TTC28: variants seen among roughly 807,000 people sequenced by gnomAD.
TTC28 encodes the protein tetratricopeptide repeat protein 28.
In TTC28, 61 loss-of-function variants were observed where a neutral mutation model predicts 198.0. That is an observed-to-expected ratio of 0.31 (90% confidence interval 0.25 to 0.38). The LOEUF (loss-of-function observed/expected upper bound fraction) is 0.38, where lower values mean the gene tolerates loss of function less well. Ranked by LOEUF, TTC28 falls within the 10% of genes least tolerant of loss-of-function variation. The pLI, the probability that TTC28 is intolerant of heterozygous loss-of-function variation, is 1.00. For synonymous variants in TTC28, 1,171 were observed against 1,297.8 expected (o/e 0.90, Z 2.10); for missense variants, 2,678 against 3,164.0 (o/e 0.85, Z 3.69).
intron 3 of TTC28, among the ~76,000 whole-genome samples, chr22:28,303,446 A>C (rs1234742278): frequency 2.6e-5 from 4 of 152,206 alleles, no homozygotes; most frequent in Admixed American, 2.6e-4. Context: ...ACAGGAGAAA[A>C]GGTTTAGCTG....
At chr22:28,169,832 A>G (rs1922467298) in intron 5 of TTC28, among the ~76,000 whole-genome samples, 1 of 151,776 alleles carries the variant, frequency 6.6e-6, no homozygotes, top group Non-Finnish European at 1.5e-5. Context: ...ATAATAAAAT[A>G]AAATAAAATA....
At chr22:28,029,485 G>T (rs1184886866) in intron 13 of TTC28, among the ~76,000 whole-genome samples, 1 of 152,170 alleles carries the variant, frequency 6.6e-6, no homozygotes, top group African/African-American at 2.4e-5. Context: ...AGGGACCTAG[G>T]GAGTCTGTGA....
At chr22:28,049,226 C>G (rs1170073610) in intron 12 of TTC28, among the ~76,000 whole-genome samples, 1 of 152,152 alleles carries the variant, frequency 6.6e-6, no homozygotes, top group African/African-American at 2.4e-5. Flanking sequence ...AGATGTGCCA[C>G]AGGAGCAGCA....
At chr22:28,230,114 A>G (rs539273605) in intron 5 of TTC28, among the ~76,000 whole-genome samples, 1 of 152,350 alleles carries the variant, frequency 6.6e-6, no homozygotes, top group African/African-American at 2.4e-5. Flanking sequence ...ATCCTGCAAG[A>G]GCAGATTCTG....
intron 5 of TTC28, among the ~76,000 whole-genome samples, chr22:28,199,849 G>A (rs1925771752): frequency 6.6e-6 from 1 of 151,712 alleles, no homozygotes; most frequent in African/African-American, 2.4e-5. Context: ...ATGGGAGAGG[G>A]GCAAAGGGTA....
rs189781469 is a variant in TTC28, at chr22:27,983,028, C to T, written c.6639G>A (p.Ala2213=). 5,204 of 1,551,676 alleles carry T rather than the reference C, an allele frequency of 3.4e-3. 14 individuals carry two copies. Among genetic ancestry groups the T allele is most frequent in the Non-Finnish European group, 4.1e-3 (4,759 of 1,146,980 alleles). The part of the protein sequence containing the change: ...TAVFRASETS[A]FSRPVLSHQK... ...GATGGGAGAGAACAGGCCTGCTGAA[C>T]GCACTGGTTTCTGACGCTCTGAAGA... The change falls in exon 23 of 23, where the codon GCG becomes GCA. Residue 2213 remains alanine, a synonymous_variant. Coordinates refer to ENST00000397906, the MANE Select transcript of TTC28 (RefSeq NM_001145418.2).
At chr22:28,662,165 G>GT (rs2051759756) in intron 1 of TTC28, among the ~76,000 whole-genome samples, 1 of 152,178 alleles carries the variant, frequency 6.6e-6, no homozygotes, top group Non-Finnish European at 1.5e-5. Flanking sequence ...TGCTTGATCA[G>GT]TATTATAGAG....
intron 5 of TTC28, among the ~76,000 whole-genome samples, chr22:28,226,762 CA>C (rs1366041239): frequency 2.6e-5 from 4 of 152,152 alleles, no homozygotes; most frequent in African/African-American, 9.7e-5. Flanking sequence ...TTTTGTCACT[CA>C]GTGCCATTAT....
At chr22:28,168,693 A>G (rs1922308434) in intron 5 of TTC28, among the ~76,000 whole-genome samples, 2 of 152,210 alleles carry the variant, frequency 1.3e-5, no homozygotes, top group South Asian at 2.1e-4. Context: ...AAAGACTTAA[A>G]TGTTAGACCT....
chr22:28,051,911 T>A (rs900842589), intron 12 of TTC28, among the ~76,000 whole-genome samples: 1 of 152,116 alleles, frequency 6.6e-6, no homozygotes, highest in East Asian at 1.9e-4. Flanking sequence ...CACTTCTGAT[T>A]TTGCAGCCAG....
intron 5 of TTC28, among the ~76,000 whole-genome samples, chr22:28,264,268 C>A (rs780439739): frequency 1.5e-4 from 23 of 152,166 alleles, no homozygotes; most frequent in Non-Finnish European, 2.8e-4. Context: ...CTCTTGCCTG[C>A]TGCCATGTAA....
chr22:28,498,053 G>A (rs2048480596), intron 2 of TTC28, among the ~76,000 whole-genome samples: 1 of 151,892 alleles, frequency 6.6e-6, no homozygotes, highest in Non-Finnish European at 1.5e-5. Flanking sequence ...CGACAGAGTA[G>A]CCACGGTTTT....
At chr22:28,284,924 A>C (rs1337330724) in intron 5 of TTC28, among the ~76,000 whole-genome samples, 1 of 152,238 alleles carries the variant, frequency 6.6e-6, no homozygotes, top group African/African-American at 2.4e-5. Context: ...GCCATTAAGA[A>C]AAATAATATA....
intron 6 of TTC28, among the ~76,000 whole-genome samples, chr22:28,118,630 T>C (rs1354286025): frequency 6.6e-6 from 1 of 152,150 alleles, no homozygotes; most frequent in Non-Finnish European, 1.5e-5. Flanking sequence ...AGCCTAAGTG[T>C]GTAGTAGGCT....
chr22:28,410,224 T>C (rs529298667), intron 2 of TTC28, among the ~76,000 whole-genome samples: 16 of 152,326 alleles, frequency 1.1e-4, no homozygotes, highest in African/African-American at 3.1e-4. Context: ...GCCTGGCCTG[T>C]GCTATCTTTT....
chr22:28,517,676 T>C (rs2146415297), intron 2 of TTC28, among the ~76,000 whole-genome samples: 1 of 152,302 alleles, frequency 6.6e-6, no homozygotes. Context: ...ACTTCAAGAA[T>C]TTCTGTTCCC....
intron 2 of TTC28, among the ~76,000 whole-genome samples, chr22:28,353,246 A>G (rs1416150509): frequency 1.3e-5 from 2 of 152,206 alleles, no homozygotes; most frequent in East Asian, 3.8e-4. Context: ...ATGAGGCCTT[A>G]AGGATTGTAT....
In TTC28 at chr22:28,530,198, C is replaced by T. The variant is rs759086413; in HGVS notation, c.381+99354G>A. 5.4e-4 allele frequency among the ~76,000 whole-genome samples: 82 copies of T among 152,110 alleles called. 1 individual carries two copies. Among genetic ancestry groups the T allele is most frequent in the Admixed American group, 2.9e-3 (44 of 15,274 alleles). On this transcript the variant is annotated intron_variant, in intron 2 of 22. Coordinates refer to ENST00000397906, the MANE Select transcript of TTC28 (RefSeq NM_001145418.2). The stretch of plus-strand genomic sequence containing the variant: ...ATGAATGGCTAACTAGAATAAACAG[C>T]GTAGAGAAGATGTTAAATGACCTGA...
intron 2 of TTC28, among the ~76,000 whole-genome samples, chr22:28,367,986 T>C (rs2046274953): frequency 6.6e-6 from 1 of 151,802 alleles, no homozygotes; most frequent in African/African-American, 2.4e-5. Flanking sequence ...AACGAACATT[T>C]AAAAAAGAAC....
Sources: allele counts gnomAD v4.1 joint callset (sites outside exome capture counted in the v4.1 genomes callset), GRCh38; gene constraint gnomAD v4.1.1; transcripts MANE v1.5; gene names NCBI Gene and HGNC (gene_info 2026-07-23, HGNC 2026-07-21).